Variants in SLC35D4 observed in about 807,000 individuals in gnomAD.
SLC35D4 encodes solute carrier family 35 member D4, also known as UDP-N-acetylglucosamine transporter SLC35D4.
At chr18:23,380,388 C>T in the SLC35D4 span, among the ~76,000 whole-genome samples, 1 of 152,154 alleles carries the variant, frequency 6.6e-6, no homozygotes, top group African/African-American at 2.4e-5. Flanking sequence ...GCTCCCTCTG[C>T]CTGCCTGACA....
chr18:23,239,629 G>A, the SLC35D4 span, among the ~76,000 whole-genome samples: 31 of 152,328 alleles, frequency 2.0e-4, no homozygotes, highest in Middle Eastern at 6.8e-3. Flanking sequence ...GTGTGTTGGG[G>A]AACAGGTATA....
At chr18:23,283,810 A>G in the SLC35D4 span, among the ~76,000 whole-genome samples, 6 of 121,372 alleles carry the variant, frequency 4.9e-5, no homozygotes, top group East Asian at 7.8e-4. Context: ...CTCCATCTCA[A>G]AAAAAAAAAA....
the SLC35D4 span, among the ~76,000 whole-genome samples, chr18:23,399,289 T>C: frequency 6.6e-6 from 1 of 152,164 alleles, no homozygotes; most frequent in African/African-American, 2.4e-5. Flanking sequence ...ACTCTGCCCA[T>C]CTCCACGGGG....
chr18:23,289,990 C>G, the SLC35D4 span, among the ~76,000 whole-genome samples: 3 of 152,306 alleles, frequency 2.0e-5, no homozygotes, highest in South Asian at 6.2e-4. Flanking sequence ...GTGAAATAAA[C>G]AGCTTTATTG....
the SLC35D4 span, chr18:23,252,864 T>A: frequency 1.3e-6 from 1 of 764,172 alleles, no homozygotes; most frequent in African/African-American, 1.7e-5. Flanking sequence ...CCGTTGCTCA[T>A]GGCTTTGGGA....
At chr18:23,330,012 C>T in the SLC35D4 span, among the ~76,000 whole-genome samples, 726 of 152,214 alleles carry the variant, frequency 4.8e-3, 6 homozygotes, top group African/African-American at 0.017. Context: ...ATCACTTGGA[C>T]ACAGGGTGGG....
the SLC35D4 span, among the ~76,000 whole-genome samples, chr18:23,404,910 C>G: frequency 6.8e-6 from 1 of 147,284 alleles, no homozygotes; most frequent in African/African-American, 2.5e-5. Flanking sequence ...TGATTGAACC[C>G]AGGAGGCAGA....
At chr18:23,373,593 C>G in the SLC35D4 span, 1 of 1,151,970 alleles carries the variant, frequency 8.7e-7, no homozygotes, top group South Asian at 1.3e-5. Flanking sequence ...ATTTGGAATG[C>G]TTCTGCATAG....
chr18:23,362,621 C>CA, the SLC35D4 span, among the ~76,000 whole-genome samples: 3 of 151,828 alleles, frequency 2.0e-5, no homozygotes, highest in Non-Finnish European at 4.4e-5. Context: ...AAACAAAAAA[C>CA]AAAAAACAAA....
chr18:23,285,684 A>G, the SLC35D4 span, among the ~76,000 whole-genome samples: 1 of 151,570 alleles, frequency 6.6e-6, no homozygotes, highest in Non-Finnish European at 1.5e-5. Flanking sequence ...TTCCTTTTCT[A>G]CAGACCTATC....
chr18:23,349,332 T>TA, the SLC35D4 span, among the ~76,000 whole-genome samples: 8 of 152,076 alleles, frequency 5.3e-5, no homozygotes, highest in Non-Finnish European at 1.0e-4. Context: ...TTCTTCAATT[T>TA]AAAAAAAACC....
chr18:23,253,993 C>T, the SLC35D4 span: 1 of 1,480,916 alleles, frequency 6.8e-7, no homozygotes, highest in Non-Finnish European at 9.4e-7. Context: ...CGGGGTTCCT[C>T]TCTCAGAAGG....
chr18:23,411,231 A>G, the SLC35D4 span, among the ~76,000 whole-genome samples: 13 of 131,666 alleles, frequency 9.9e-5, no homozygotes, highest in East Asian at 5.1e-4. Flanking sequence ...GAGGGGAGGG[A>G]AGGGAAGGGG....
chr18:23,257,257 C>T, the SLC35D4 span: 9 of 1,611,540 alleles, frequency 5.6e-6, no homozygotes, highest in Non-Finnish European at 7.6e-6. Context: ...GCTGAACAGG[C>T]GAGAACTGAT....
chr18:23,277,958 C>T, the SLC35D4 span, among the ~76,000 whole-genome samples: 12 of 152,196 alleles, frequency 7.9e-5, no homozygotes, highest in Non-Finnish European at 1.8e-4. Context: ...TACAACACTT[C>T]TTAAGGTCTA....
chr18:23,410,278 C>A, the SLC35D4 span, among the ~76,000 whole-genome samples: 1 of 151,970 alleles, frequency 6.6e-6, no homozygotes, highest in Non-Finnish European at 1.5e-5. Flanking sequence ...CAGATCGAGA[C>A]CATCCTGGCT....
At chr18:23,298,973 C>T in the SLC35D4 span, among the ~76,000 whole-genome samples, 1 of 152,220 alleles carries the variant, frequency 6.6e-6, no homozygotes. Context: ...GTGTATGACA[C>T]ACACATAGGC....
the SLC35D4 span, among the ~76,000 whole-genome samples, chr18:23,359,434 G>A: frequency 5.9e-5 from 9 of 151,682 alleles, no homozygotes; most frequent in East Asian, 1.9e-4. Context: ...AGCAACACGC[G>A]GCTTATGCAA....
the SLC35D4 span, among the ~76,000 whole-genome samples, chr18:23,327,496 C>T: frequency 6.6e-6 from 1 of 151,984 alleles, no homozygotes; most frequent in African/African-American, 2.4e-5. Flanking sequence ...CAAGACTAAA[C>T]CAGGAAGAAG....
Sources: allele counts gnomAD v4.1 joint callset (sites outside exome capture counted in the v4.1 genomes callset), GRCh38; gene constraint gnomAD v4.1.1; transcripts MANE v1.5; gene names NCBI Gene and HGNC (gene_info 2026-07-23, HGNC 2026-07-21).